STK35: variants seen among roughly 807,000 people sequenced by gnomAD.
STK35 encodes the protein serine/threonine kinase 35, also known as serine/threonine-protein kinase 35.
In STK35, 17 loss-of-function variants were observed where a neutral mutation model predicts 37.3. The observed-to-expected ratio is 0.46, with a 90% CI of 0.31 to 0.68. STK35 has a LOEUF of 0.68. Ranked by LOEUF, STK35 falls within the 30% of genes least tolerant of loss-of-function variation. The pLI, the probability that STK35 is intolerant of heterozygous loss-of-function variation, is 0.05. For synonymous variants in STK35, 385 were observed against 319.1 expected (o/e 1.21, Z -2.20); for missense variants, 595 against 746.7 (o/e 0.80, Z 2.37).
At chr20:2,138,625 C>G (rs1041937182) in intron 3 of STK35, among the ~76,000 whole-genome samples, 2 of 152,170 alleles carry the variant, frequency 1.3e-5, no homozygotes, top group African/African-American at 2.4e-5. Context: ...TCCACATTTC[C>G]TAAGATGGTG....
intron 2 of STK35, among the ~76,000 whole-genome samples, chr20:2,106,629 G>A (rs1222568390): frequency 6.6e-6 from 1 of 152,230 alleles, no homozygotes; most frequent in East Asian, 1.9e-4. Context: ...TGAAAGTAGG[G>A]TGCCTAGGAC....
chr20:2,103,394 C>CG, intron 2 of STK35, 29 bp downstream of exon 2: 1 of 1,593,112 alleles, frequency 6.3e-7, no homozygotes, highest in Non-Finnish European at 8.6e-7. Context: ...TTTCCACCCA[C>CG]GCAGGGCCTG....
intron 2 of STK35, among the ~76,000 whole-genome samples, chr20:2,107,718 C>T (rs993339724): frequency 1.3e-5 from 2 of 152,130 alleles, no homozygotes; most frequent in African/African-American, 2.4e-5. Context: ...CCCAACTTGT[C>T]GAGTGCCTAG....
At chr20:2,118,149 A>G (rs531156564) in intron 3 of STK35, among the ~76,000 whole-genome samples, 2 of 152,196 alleles carry the variant, frequency 1.3e-5, no homozygotes, top group Admixed American at 6.5e-5. Flanking sequence ...CTTTTTACTC[A>G]TTACTAATCT....
chr20:2,103,850 C>T (rs1034183609), intron 2 of STK35, among the ~76,000 whole-genome samples: 2 of 152,140 alleles, frequency 1.3e-5, no homozygotes, highest in Non-Finnish European at 2.9e-5. Context: ...CAGCTCCAAC[C>T]CCCAAACTCC....
chr20:2,139,427 A>T (rs903788449), intron 3 of STK35, among the ~76,000 whole-genome samples: 1 of 152,162 alleles, frequency 6.6e-6, no homozygotes, highest in South Asian at 2.1e-4. Flanking sequence ...GAGTGAGTCT[A>T]TTTATAAATG....
At chr20:2,137,583 C>T (rs1466775211) in intron 3 of STK35, among the ~76,000 whole-genome samples, 5 of 152,168 alleles carry the variant, frequency 3.3e-5, no homozygotes, top group South Asian at 2.1e-4. Flanking sequence ...TCTGTATACC[C>T]GAAGACTGAA....
chr20:2,123,634 G>T (rs1470248003), intron 3 of STK35, among the ~76,000 whole-genome samples: 2 of 152,210 alleles, frequency 1.3e-5, no homozygotes, highest in African/African-American at 4.8e-5. Context: ...AAGTTAATCA[G>T]CAGTGATACT....
rs1015986947 is a variant in STK35 at position 2,123,405 on chromosome 20, G to A, written c.*37+5990G>A. On this transcript the variant is annotated intron_variant, in intron 3 of 3. Coordinates refer to ENST00000381482, the MANE Select transcript of STK35 (RefSeq NM_080836.4). ...TCAGCTAACGTACTGGGTGACCTGC[G>A]TTGGCCCCTTGACCTGCGCTTCAGA... Among the ~76,000 whole-genome samples, 5 of 152,260 alleles carry A rather than the reference G, an allele frequency of 3.3e-5. No homozygotes were observed. In the East Asian group the frequency reaches 5.8e-4, roughly 18 times the overall value.
Position 2,147,678 on chromosome 20 carries a change from G to T in STK35, c.*3932G>T, listed in dbSNP as rs576641540. On this transcript the variant is annotated 3_prime_UTR_variant, in exon 4 of 4. Coordinates refer to ENST00000381482, the MANE Select transcript of STK35 (RefSeq NM_080836.4). ...TCTTCCCCCGACATCTGGGGGCGCTGGTGGCACTTACTCTAGGTTGGTCTC... is the reference window on the plus strand; with the variant it reads ...TCTTCCCCCGACATCTGGGGGCGCTTGTGGCACTTACTCTAGGTTGGTCTC... 243 of 152,540 alleles carry T rather than the reference G, an allele frequency of 1.6e-3. No homozygotes were observed. Among genetic ancestry groups the T allele is most frequent in the Middle Eastern group, 0.01 (3 of 298 alleles). The allele number at this position is 152,540 out of a possible 1,614,324, so 9.4% of individuals were successfully genotyped here.
In STK35 at chr20:2,146,104, G is replaced by A. The variant is rs943322923; in HGVS notation, c.*2358G>A. 3 of 152,150 alleles carry A rather than the reference G, an allele frequency of 2.0e-5. No homozygotes were observed. Among genetic ancestry groups the A allele is most frequent in the Admixed American group, 6.5e-5 (1 of 15,282 alleles). 9.4% of individuals were successfully genotyped at this position (152,150 alleles called of 1,614,324 possible). On this transcript the variant is annotated 3_prime_UTR_variant, in exon 4 of 4. Transcript: ENST00000381482. ...TCTTCCAGTTCTTGCTTAGTGGCACGACCTCTTTCCATAGCATAAATGCAG... is the reference window on the plus strand; with the variant it reads ...TCTTCCAGTTCTTGCTTAGTGGCACAACCTCTTTCCATAGCATAAATGCAG...
At chr20:2,137,286 T>A (rs891628772) in intron 3 of STK35, among the ~76,000 whole-genome samples, 4 of 152,230 alleles carry the variant, frequency 2.6e-5, no homozygotes, top group Admixed American at 6.5e-5. Flanking sequence ...CGGGGGACCC[T>A]GACTTGGTGA....
Position 2,108,802 on chromosome 20 carries a change from T to C in STK35, c.892+5437T>C, listed in dbSNP as rs571906235. 5.3e-5 allele frequency among the ~76,000 whole-genome samples: 8 copies of C among 152,328 alleles called. No homozygotes were observed. The East Asian group carries it at 1.5e-3, about 29-fold the overall frequency. On this transcript the variant is annotated intron_variant, in intron 2 of 3. Coordinates refer to ENST00000381482, the MANE Select transcript of STK35 (RefSeq NM_080836.4). ...GGGTTGCGTTGGGTAAGGCTTTTTA[T>C]AGTATAAACTCTCGAGGGGTGCTTC...
intron 1 of STK35, among the ~76,000 whole-genome samples, chr20:2,102,404 C>T (rs76871785): frequency 6.6e-6 from 1 of 152,136 alleles, no homozygotes; most frequent in Non-Finnish European, 1.5e-5. Flanking sequence ...CAAGGCGGGG[C>T]GCGGGGAGGA....
At position 2,124,637 on chromosome 20, in the gene STK35, A is replaced by G. The variant is rs138251102; in HGVS notation, c.*37+7222A>G. Among the ~76,000 whole-genome samples, 1,371 of 152,274 alleles carry G rather than the reference A, an allele frequency of 9.0e-3. 8 individuals are homozygous for G. Among genetic ancestry groups the G allele is most frequent in the Non-Finnish European group, 0.012 (819 of 68,028 alleles). ...AGGGGTCACAGCTTTGCCACAACCCATCTCACTAGCACTAAACAGCTTCAC... is the reference window on the plus strand; with the variant it reads ...AGGGGTCACAGCTTTGCCACAACCCGTCTCACTAGCACTAAACAGCTTCAC... On this transcript the variant is annotated intron_variant, in intron 3 of 3. Coordinates refer to ENST00000381482, the MANE Select transcript of STK35 (RefSeq NM_080836.4).
chr20:2,129,576 C>T (rs1025477691), intron 3 of STK35, among the ~76,000 whole-genome samples: 1 of 152,096 alleles, frequency 6.6e-6, no homozygotes, highest in Non-Finnish European at 1.5e-5. Context: ...GTGTGTTGGG[C>T]ACTGTAGTGG....
At chr20:2,116,392 G>A (rs1032387872) in intron 2 of STK35, among the ~76,000 whole-genome samples, 10 of 152,118 alleles carry the variant, frequency 6.6e-5, no homozygotes, top group African/African-American at 2.4e-4. Context: ...CTCCCTGTTT[G>A]GAGACAGTAT....
intron 3 of STK35, among the ~76,000 whole-genome samples, chr20:2,142,464 C>G (rs572032683): frequency 3.6e-4 from 55 of 152,322 alleles, no homozygotes; most frequent in African/African-American, 1.3e-3. Flanking sequence ...AAGGCACGCA[C>G]AGTGAAAGAC....
intron 3 of STK35, among the ~76,000 whole-genome samples, chr20:2,133,904 C>T (rs1163792853): frequency 1.3e-5 from 2 of 152,198 alleles, no homozygotes; most frequent in Admixed American, 1.3e-4. Context: ...CAGCAGCATG[C>T]TGTCTCGGCT....
Sources: gnomAD v4.1 joint callset for allele counts (sites outside exome capture counted in the v4.1 genomes callset) on GRCh38, gnomAD v4.1.1 for gene constraint, MANE v1.5 for transcripts, NCBI Gene and HGNC (gene_info 2026-07-23, HGNC 2026-07-21) for gene names.